The following TMEM120B variants were observed in gnomAD, a reference collection of about 807,000 sequenced individuals.
TMEM120B encodes the protein transmembrane protein 120B.
A neutral mutation model predicts 55.5 loss-of-function variants in TMEM120B; 31 were observed. That is an observed-to-expected ratio of 0.56 (90% CI 0.42 to 0.75). The LOEUF (loss-of-function observed/expected upper bound fraction) is 0.75, where lower values mean the gene tolerates loss of function less well. TMEM120B is among the 30% of genes least tolerant of loss of function. TMEM120B has a pLI of 0.00. For synonymous variants in TMEM120B, 203 were observed against 176.3 expected, an observed-to-expected ratio of 1.15 and a Z score of -1.20; for missense variants, 399 against 425.5, an observed-to-expected ratio of 0.94 and a Z score of 0.55.
chr12:121,735,226 C>T (rs1353626436), intron 1 of TMEM120B, among the ~76,000 whole-genome samples: 1 of 148,388 alleles, frequency 6.7e-6, no homozygotes, highest in African/African-American at 2.5e-5. Context: ...AGAAACAAAA[C>T]CTCCCAACTT....
At chr12:121,770,136 C>T (rs934804051) in intron 6 of TMEM120B, among the ~76,000 whole-genome samples, 2 of 152,066 alleles carry the variant, frequency 1.3e-5, no homozygotes, top group African/African-American at 4.8e-5. Flanking sequence ...GTGTCCTAAG[C>T]CACAGAGTGT....
intron 2 of TMEM120B, among the ~76,000 whole-genome samples, chr12:121,744,065 T>C (rs1384340348): frequency 6.6e-6 from 1 of 151,570 alleles, no homozygotes; most frequent in East Asian, 1.9e-4. Flanking sequence ...TTTTTTTTTT[T>C]TTTTTTCTTG....
intron 1 of TMEM120B, among the ~76,000 whole-genome samples, chr12:121,717,877 C>G (rs1385651173): frequency 6.6e-6 from 1 of 152,036 alleles, no homozygotes. Flanking sequence ...AGGCTGGTCT[C>G]GAATTCCTGA....
In TMEM120B at chr12:121,779,221, T is replaced by C. The variant is rs1228351560; in HGVS notation, c.*3499T>C. On this transcript the variant is annotated 3_prime_UTR_variant, in exon 12 of 12. Coordinates refer to ENST00000449592, the MANE Select transcript of TMEM120B (RefSeq NM_001080825.2). ...TGAGTCTGCACTGGGGAGACACTCG[T>C]GGTGGGGGTGGCTGTGATGAGGGCA... The C allele has an allele frequency of 4.0e-6, 2 of 497,138 alleles. No individual in the cohort carries two copies. Among genetic ancestry groups the C allele is most frequent in the East Asian group, 6.7e-5 (2 of 29,688 alleles). 30.8% of individuals were successfully genotyped at this position (497,138 alleles called of 1,614,324 possible).
chr12:121,744,295 G>C (rs1272383712), intron 2 of TMEM120B, among the ~76,000 whole-genome samples: 1 of 152,180 alleles, frequency 6.6e-6, no homozygotes. Flanking sequence ...TTGGTTGAAT[G>C]CCCATTTGTG....
At chr12:121,762,481 T>C (rs111873396) in intron 6 of TMEM120B, among the ~76,000 whole-genome samples, 1 of 152,198 alleles carries the variant, frequency 6.6e-6, no homozygotes, top group African/African-American at 2.4e-5. Context: ...TGGGTCGCAC[T>C]GGCTATGTCC....
intron 1 of TMEM120B, among the ~76,000 whole-genome samples, chr12:121,719,946 C>T (rs1461013182): frequency 6.6e-6 from 1 of 152,138 alleles, no homozygotes; most frequent in Non-Finnish European, 1.5e-5. Context: ...GTGATCTGCC[C>T]ACCTCGGCCT....
chr12:121,759,965 TA>T, intron 5 of TMEM120B, among the ~76,000 whole-genome samples: 1 of 151,922 alleles, frequency 6.6e-6, no homozygotes, highest in Admixed American at 6.6e-5. Context: ...ACCTCTTCTC[TA>T]CTAAAAGTAC....
chr12:121,722,222 C>T (rs1214081194), intron 1 of TMEM120B, among the ~76,000 whole-genome samples: 2 of 152,006 alleles, frequency 1.3e-5, no homozygotes, highest in Non-Finnish European at 2.9e-5. Flanking sequence ...CCTCAGCCCC[C>T]TGAGTAGTTG....
chr12:121,718,819 T>G (rs1439977942), intron 1 of TMEM120B, among the ~76,000 whole-genome samples: 1 of 151,934 alleles, frequency 6.6e-6, no homozygotes, highest in Admixed American at 6.6e-5. Flanking sequence ...GTTTATTGAG[T>G]CAAGTCTAGT....
intron 1 of TMEM120B, among the ~76,000 whole-genome samples, chr12:121,741,859 G>A (rs967659787): frequency 2.6e-5 from 4 of 151,500 alleles, no homozygotes; most frequent in Non-Finnish European, 4.4e-5. Context: ...CCTTCCTGGG[G>A]GGCCCAGGAA....
At chr12:121,764,927 C>CT (rs952572458) in intron 6 of TMEM120B, among the ~76,000 whole-genome samples, 52 of 152,234 alleles carry the variant, frequency 3.4e-4, no homozygotes, top group African/African-American at 1.2e-3. Context: ...AGTTCACTCT[C>CT]TGACAGGAGA....
At position 121,772,617 on chromosome 12, in the gene TMEM120B, T is replaced by G. The variant is rs568245968; in HGVS notation, c.680-804T>G. Among the ~76,000 whole-genome samples the G allele has an allele frequency of 3.3e-5, 5 of 152,030 alleles. No homozygotes were observed. In the South Asian group the frequency reaches 1.0e-3, roughly 32 times the overall value. On this transcript the variant is annotated intron_variant, in intron 8 of 11. Transcript: ENST00000449592. The stretch of plus-strand genomic sequence containing the variant: ...TTTTTGTATTTTGGTAGAGATGAGA[T>G]TTCACCAGTTGGCCAGGCTGGTCTT...
Position 121,712,796 on chromosome 12 carries a change from C to G in TMEM120B, c.-100C>G, listed in dbSNP as rs1452510969. The G allele has an allele frequency of 2.1e-5, 18 of 862,868 alleles. No homozygotes were observed. Among genetic ancestry groups the G allele is most frequent in the Non-Finnish European group, 2.8e-5 (18 of 642,322 alleles). The allele number at this position is 862,868 out of a possible 1,614,324, so 53.5% of individuals were successfully genotyped here. The stretch of plus-strand genomic sequence containing the variant: ...GCTGCGCAGGAACAGCTGGTGCCTC[C>G]GAGGGCGGTCGGCGAGCGCGCGGGC... On this transcript the variant is annotated 5_prime_UTR_variant, in exon 1 of 12. Coordinates refer to ENST00000449592, the MANE Select transcript of TMEM120B (RefSeq NM_001080825.2).
intron 1 of TMEM120B, among the ~76,000 whole-genome samples, chr12:121,716,601 C>T (rs1358055045): frequency 1.6e-5 from 2 of 121,606 alleles, no homozygotes; most frequent in African/African-American, 3.2e-5. Context: ...CTTGCTCTGT[C>T]GCCCAAACTA....
Position 121,775,841 on chromosome 12 carries a change from C to A in TMEM120B, c.*119C>A, listed in dbSNP as rs1336663307. 1.0e-6 allele frequency: 1 copy of A among 982,868 alleles called. No homozygotes were observed. The highest frequency in any genetic ancestry group is 1.6e-6 in the Non-Finnish European group (1 of 638,610). 60.9% of individuals were successfully genotyped at this position (982,868 alleles called of 1,614,324 possible). The stretch of plus-strand genomic sequence containing the variant: ...GGAGAGGGCCCAGGCCCTGGTCCCC[C>A]AGTGGACCCCAGTGGTCTAGAGGAA... On this transcript the variant is annotated 3_prime_UTR_variant, in exon 12 of 12. Coordinates refer to ENST00000449592, the MANE Select transcript of TMEM120B (RefSeq NM_001080825.2). This position sits in a 1 kb window ranked among gnomAD's most constrained non-coding sequence, Gnocchi z 4.3.
At chr12:121,760,138 A>G (rs1199608512) in intron 5 of TMEM120B, among the ~76,000 whole-genome samples, 3 of 150,620 alleles carry the variant, frequency 2.0e-5, no homozygotes, top group Non-Finnish European at 3.0e-5. Context: ...TCAAAAAAAA[A>G]AAAAAAAAAA....
intron 2 of TMEM120B, among the ~76,000 whole-genome samples, chr12:121,746,463 A>G (rs548788291): frequency 6.6e-6 from 1 of 152,228 alleles, no homozygotes; most frequent in East Asian, 1.9e-4. Context: ...TTGGGATTAC[A>G]GGCTTGAGCC....
chr12:121,766,916 A>G (rs896747331), intron 6 of TMEM120B, among the ~76,000 whole-genome samples: 1 of 152,162 alleles, frequency 6.6e-6, no homozygotes, highest in Non-Finnish European at 1.5e-5. Flanking sequence ...TCCTCAGTGG[A>G]GAAGCCATTC....
Sources: allele counts gnomAD v4.1 joint callset (sites outside exome capture counted in the v4.1 genomes callset), GRCh38; gene constraint gnomAD v4.1.1; non-coding constraint Gnocchi (gnomAD v3.1); transcripts MANE v1.5; gene names NCBI Gene and HGNC (gene_info 2026-07-23, HGNC 2026-07-21).